The following SLC35E2B variants were observed in gnomAD, a reference collection of about 807,000 sequenced individuals.
SLC35E2B encodes the protein solute carrier family 35 member E2B, also known as solute carrier family 35, member E2B.
SLC35E2B carries 18 observed loss-of-function variants against 32.4 expected under a neutral mutation model. The observed-to-expected ratio is 0.56, with a 90% CI of 0.38 to 0.82. The LOEUF is 0.82. Ranked by LOEUF, SLC35E2B falls within the 40% of genes least tolerant of loss-of-function variation. SLC35E2B has a pLI of 0.00. For missense variants in SLC35E2B, 263 were observed against 469.5 expected (o/e 0.56, Z 4.06); for synonymous variants, 132 against 209.1 (o/e 0.63, Z 3.18).
At chr1:1,682,781 G>T (rs930262398) in intron 2 of SLC35E2B, among the ~76,000 whole-genome samples, 2 of 152,050 alleles carry the variant, frequency 1.3e-5, no homozygotes, top group African/African-American at 4.8e-5. Flanking sequence ...AGTTCCGAGA[G>T]TTCAAGGTTT....
Position 1,671,647 on chromosome 1 carries a change from CCT to C in SLC35E2B, c.587-20_587-19del, listed in dbSNP as rs566539001. On this transcript the variant is annotated intron_variant, in intron 5 of 9. Transcript: ENST00000617444. ...CAGCAGCCCTGGCGAGAGGACAGCC[CCT>C]GTGAGTGGCTGACCCGCCGGGCGGA... The C allele has an allele frequency of 1.5e-4, 230 of 1,514,542 alleles. 1 individual carries two copies. The South Asian group carries it at 2.5e-3, about 16-fold the overall frequency. 93.8% of individuals were successfully genotyped at this position (1,514,542 alleles called of 1,614,324 possible).
chr1:1,669,636 G>A (rs1267351475), intron 8 of SLC35E2B, 28 bp downstream of exon 8: 4 of 1,509,348 alleles, frequency 2.7e-6, no homozygotes, highest in African/African-American at 2.8e-5. Context: ...CGGCAAGTAA[G>A]GACGGGACGC....
chr1:1,664,825 C>T lies in SLC35E2B; in HGVS notation c.*957G>A, dbSNP rs1372016589. On this transcript the variant is annotated 3_prime_UTR_variant, in exon 10 of 10. Coordinates refer to ENST00000617444, the MANE Select transcript of SLC35E2B (RefSeq NM_001290264.2). ...ACACTGCAGCGTCCTGCCCAAGGCT[C>T]ACGTGGGGAACCGGACAGGTGCTAG... 4 of 906,884 alleles carry T rather than the reference C, an allele frequency of 4.4e-6. No individual in the cohort carries two copies. The highest frequency in any genetic ancestry group is 5.2e-6 in the Non-Finnish European group (4 of 763,960). The allele number at this position is 906,884 out of a possible 1,614,324, so 56.2% of individuals were successfully genotyped here.
At chr1:1,681,164 G>A (rs4074198) in intron 2 of SLC35E2B, among the ~76,000 whole-genome samples, 65,994 of 151,750 alleles carry the variant, frequency 0.43, 14,661 homozygotes, top group East Asian at 0.55. Context: ...AACAGATTCC[G>A]GCCTGAAACT....
intron 2 of SLC35E2B, among the ~76,000 whole-genome samples, chr1:1,685,131 G>A (rs571698916): frequency 2.7e-5 from 4 of 149,986 alleles, no homozygotes; most frequent in Non-Finnish European, 5.9e-5. Flanking sequence ...AAAAGTTGGA[G>A]CATTTTTTGC....
Position 1,688,409 on chromosome 1 carries a change from C to A in SLC35E2B, c.-148+2567G>T, listed in dbSNP as rs61776794. On this transcript the variant is annotated intron_variant, in intron 2 of 9. Coordinates refer to ENST00000617444, the MANE Select transcript of SLC35E2B (RefSeq NM_001290264.2). ...ATCACAAGGTCAGGACATCGAGATCCTCCTGGCCAACACAGTCAAACCCCA... is the reference window on the plus strand; with the variant it reads ...ATCACAAGGTCAGGACATCGAGATCATCCTGGCCAACACAGTCAAACCCCA... 4.0e-5 allele frequency among the ~76,000 whole-genome samples: 6 copies of A among 148,462 alleles called. No individual in the cohort carries two copies. In the East Asian group the frequency reaches 6.1e-4, roughly 15 times the overall value.
Position 1,665,024 on chromosome 1 carries a change from T to C in SLC35E2B, c.*758A>G, listed in dbSNP as rs1335917164. ...CCTCAGGGCTGGAAACCCCCACAGG[T>C]AGGAGGGCAGGGTGCCCTGGGGTTG... On this transcript the variant is annotated 3_prime_UTR_variant, in exon 10 of 10. Coordinates refer to ENST00000617444, the MANE Select transcript of SLC35E2B (RefSeq NM_001290264.2). 1.0e-6 allele frequency: 1 copy of C among 970,994 alleles called. No individual in the cohort carries two copies. The highest frequency in any genetic ancestry group is 1.2e-6 in the Non-Finnish European group (1 of 816,948). 60.1% of individuals were successfully genotyped at this position (970,994 alleles called of 1,614,324 possible).
chr1:1,687,956 GCTT>G (rs1176383676), intron 2 of SLC35E2B, among the ~76,000 whole-genome samples: 2 of 152,034 alleles, frequency 1.3e-5, no homozygotes, highest in African/African-American at 4.8e-5. Flanking sequence ...AGCCAACCAG[GCTT>G]CTTTGAAAAA....
chr1:1,687,924 T>C (rs1308872729), intron 2 of SLC35E2B, among the ~76,000 whole-genome samples: 3 of 151,860 alleles, frequency 2.0e-5, no homozygotes, highest in African/African-American at 4.8e-5. Flanking sequence ...AAAATAATAA[T>C]AACATATATC....
In SLC35E2B at chr1:1,663,817, GAA is replaced by G. The variant is rs1426024481; in HGVS notation, c.*1963_*1964del. ...AGAAAAAAAGAAATGGAAATCCGGG[GAA>G]AGTCACGTGACAAAACATCTTCGCA... On this transcript the variant is annotated 3_prime_UTR_variant, in exon 10 of 10. Coordinates refer to ENST00000617444, the MANE Select transcript of SLC35E2B (RefSeq NM_001290264.2). 3.3e-6 allele frequency: 3 copies of G among 912,430 alleles called. No individual in the cohort carries two copies. In the African/African-American group the frequency reaches 5.3e-5, roughly 16 times the overall value. The allele number at this position is 912,430 out of a possible 1,614,324, so 56.5% of individuals were successfully genotyped here.
intron 5 of SLC35E2B, chr1:1,673,407 C>A (rs1254995331): frequency 8.0e-6 from 3 of 374,942 alleles, no homozygotes; most frequent in Non-Finnish European, 1.1e-5. Context: ...CAGCAGCTCA[C>A]GCCTGGAATC....
intron 2 of SLC35E2B, among the ~76,000 whole-genome samples, chr1:1,682,473 G>A (rs989380478): frequency 1.3e-5 from 2 of 152,136 alleles, no homozygotes; most frequent in African/African-American, 2.4e-5. Context: ...TCAAAGGGAC[G>A]GACCCCAAGC....
intron 5 of SLC35E2B, 35 bp downstream of exon 5, chr1:1,675,428 G>C: frequency 2.5e-6 from 4 of 1,608,630 alleles, no homozygotes; most frequent in Non-Finnish European, 3.4e-6. Context: ...GGGATGGTGG[G>C]GCGCAGGCGG....
At chr1:1,686,992 C>T (rs1643958949) in intron 2 of SLC35E2B, among the ~76,000 whole-genome samples, 1 of 151,388 alleles carries the variant, frequency 6.6e-6, no homozygotes, top group Non-Finnish European at 1.5e-5. Flanking sequence ...GGAGGCGGAG[C>T]TTGCAGTGAG....
intron 7 of SLC35E2B, 136 bp downstream of exon 7, chr1:1,669,962 T>G: frequency 1.1e-6 from 1 of 905,822 alleles, no homozygotes; most frequent in South Asian, 1.5e-5. Flanking sequence ...CTCCCGAGCT[T>G]AGACAGGGTA....
At chr1:1,679,921 A>C (rs1014886889) in intron 2 of SLC35E2B, among the ~76,000 whole-genome samples, 1 of 151,724 alleles carries the variant, frequency 6.6e-6, no homozygotes, top group African/African-American at 2.4e-5. Flanking sequence ...TCATGAGGTC[A>C]GGAGTTCAAG....
At chr1:1,677,851 C>T (rs1643867031) in intron 2 of SLC35E2B, among the ~76,000 whole-genome samples, 1 of 151,516 alleles carries the variant, frequency 6.6e-6, no homozygotes, top group South Asian at 2.1e-4. Context: ...CCCCTCCCTT[C>T]CCACGAGCTC....
At chr1:1,674,710 G>A (rs1226587247) in intron 5 of SLC35E2B, among the ~76,000 whole-genome samples, 4 of 126,778 alleles carry the variant, frequency 3.2e-5, no homozygotes, top group Non-Finnish European at 7.8e-5. Flanking sequence ...ACGTGTGTGC[G>A]GGTCTCAAGT....
rs1257277455 is a variant in SLC35E2B, at chr1:1,665,475, G to A, written c.*307C>T. ...CCTCTGGCTCCCGGTGGACCCTGGG[G>A]TGTCGCCCAGAGAGGAAGTGGGCAC... On this transcript the variant is annotated 3_prime_UTR_variant, in exon 10 of 10. Transcript: ENST00000617444. 25 of 549,430 alleles carry A rather than the reference G, an allele frequency of 4.6e-5. No homozygotes were observed. Among genetic ancestry groups the A allele is most frequent in the Non-Finnish European group, 4.2e-5 (13 of 313,052 alleles). 34.0% of individuals were successfully genotyped at this position (549,430 alleles called of 1,614,324 possible). A position where few individuals can be genotyped will look rare whatever the true frequency, so the allele number is the denominator to read the frequency against.
Sources: gnomAD v4.1 joint callset for allele counts (sites outside exome capture counted in the v4.1 genomes callset) on GRCh38, gnomAD v4.1.1 for gene constraint, MANE v1.5 for transcripts, NCBI Gene and HGNC (gene_info 2026-07-23, HGNC 2026-07-21) for gene names.